The following CTNNA1 variants were observed in gnomAD, a reference collection of about 807,000 sequenced individuals.
CTNNA1 encodes the protein catenin alpha-1.
In CTNNA1, 37 loss-of-function variants were observed where a neutral mutation model predicts 98.4. The ratio of observed to expected loss-of-function variants is 0.38; its 90% CI spans 0.29 to 0.49. The LOEUF is 0.49. Among genes scored for constraint, CTNNA1 ranks in the 20% least tolerant of loss-of-function variants. The probability of loss-of-function intolerance (pLI) is 0.95; values close to 1 mark genes in which losing one functional copy is unlikely to be tolerated. For synonymous variants in CTNNA1, 404 were observed against 413.2 expected (o/e 0.98, Z 0.27); for missense variants, 761 against 1,147.2 (o/e 0.66, Z 4.86).
At chr5:138,801,525 A>G (rs889856979) in intron 3 of CTNNA1, among the ~76,000 whole-genome samples, 5 of 152,252 alleles carry the variant, frequency 3.3e-5, no homozygotes, top group African/African-American at 7.2e-5. Flanking sequence ...ATTCAAACCC[A>G]AACTGTGTTG....
Position 138,756,783 on chromosome 5 carries a change from G to A in CTNNA1, c.-3+3273G>A, listed in dbSNP as rs182943046. The stretch of plus-strand genomic sequence containing the variant: ...GATTTCCTTTTTAAGACTCCTGCTA[G>A]TGCTTGGAGAAGGCTTGTGTTTGTG... On this transcript the variant is annotated intron_variant, in intron 1 of 17. Transcript: ENST00000302763. Among the ~76,000 whole-genome samples the A allele has an allele frequency of 3.6e-4, 55 of 152,280 alleles. No homozygotes were observed. The East Asian group carries it at 7.7e-3, about 21-fold the overall frequency.
At chr5:138,876,006 T>C (rs1478105829) in intron 7 of CTNNA1, among the ~76,000 whole-genome samples, 1 of 152,220 alleles carries the variant, frequency 6.6e-6, no homozygotes, top group African/African-American at 2.4e-5. Context: ...TTTATAACAA[T>C]GTTTTGTCGC....
intron 10 of CTNNA1, among the ~76,000 whole-genome samples, chr5:138,909,575 G>T (rs1760090993): frequency 6.6e-6 from 1 of 152,022 alleles, no homozygotes. Context: ...CTGAGGTCAG[G>T]TGATCCTCCC....
At chr5:138,932,961 A>G (rs1205388247) in intron 17 of CTNNA1, 6 of 769,096 alleles carry the variant, frequency 7.8e-6, no homozygotes, top group African/African-American at 1.7e-5. Flanking sequence ...CTCACTGGGT[A>G]GGAATTTTTA....
At chr5:138,852,790 G>A (rs958385850) in intron 7 of CTNNA1, among the ~76,000 whole-genome samples, 3 of 151,542 alleles carry the variant, frequency 2.0e-5, no homozygotes, top group African/African-American at 7.3e-5. Flanking sequence ...AAGAACCAGT[G>A]TTACCAATCT....
intron 9 of CTNNA1, chr5:138,891,075 G>A (rs914996681): frequency 9.2e-5 from 14 of 152,158 alleles, no homozygotes; most frequent in African/African-American, 2.9e-4. Flanking sequence ...TCCTTTTTAT[G>A]GTTGTTACCC....
intron 3 of CTNNA1, among the ~76,000 whole-genome samples, chr5:138,803,221 G>A (rs1441646517): frequency 1.3e-5 from 2 of 150,566 alleles, no homozygotes; most frequent in African/African-American, 2.5e-5. Flanking sequence ...TGGCATGATC[G>A]TGGCTCACTG....
At chr5:138,856,491 G>A (rs1005362360) in intron 7 of CTNNA1, among the ~76,000 whole-genome samples, 7 of 152,150 alleles carry the variant, frequency 4.6e-5, no homozygotes, top group African/African-American at 1.7e-4. Context: ...ACAGGTGTGT[G>A]TTACCACACT....
At chr5:138,850,159 T>A (rs1051443386) in intron 7 of CTNNA1, among the ~76,000 whole-genome samples, 2 of 152,262 alleles carry the variant, frequency 1.3e-5, no homozygotes, top group Non-Finnish European at 2.9e-5. Flanking sequence ...TTTACTTTGC[T>A]CTTATGGCTA....
intron 1 of CTNNA1, among the ~76,000 whole-genome samples, chr5:138,756,350 A>G (rs1751646827): frequency 6.6e-6 from 1 of 151,994 alleles, no homozygotes; most frequent in South Asian, 2.1e-4. Context: ...AATTTTTAGC[A>G]GAGATGGGGT....
Position 138,776,663 on chromosome 5 carries a change from C to T in CTNNA1, c.-2-5260C>T, listed in dbSNP as rs1234798323. 1.3e-4 allele frequency among the ~76,000 whole-genome samples: 20 copies of T among 150,400 alleles called. 1 individual carries two copies. The East Asian group carries it at 2.2e-3, about 17-fold the overall frequency. ...TCACCTCCCGGACGGGGCGGCTGGC[C>T]GGGCGGGGGGCTGACCCCCCCACCT... On this transcript the variant is annotated intron_variant, in intron 1 of 17. Transcript: ENST00000302763.
intron 7 of CTNNA1, among the ~76,000 whole-genome samples, chr5:138,842,926 T>A (rs1561583798): frequency 6.6e-6 from 1 of 152,214 alleles, no homozygotes; most frequent in African/African-American, 2.4e-5. Flanking sequence ...ACTACTCTTT[T>A]CAACTAGGTT....
intron 16 of CTNNA1, chr5:138,931,574 C>G (rs1355620253): frequency 9.2e-6 from 9 of 983,054 alleles, no homozygotes; most frequent in African/African-American, 1.7e-5. Flanking sequence ...CCCACACAAT[C>G]GGTAATAGGG....
chr5:138,852,871 G>GCACACACGCGCGCGCGCA (rs1763360624), intron 7 of CTNNA1, among the ~76,000 whole-genome samples: 4 of 151,240 alleles, frequency 2.6e-5, no homozygotes, highest in African/African-American at 9.7e-5. Flanking sequence ...GCGCGCGCGC[G>GCACACACGCGCGCGCGCA]CACACACACA....
intron 10 of CTNNA1, among the ~76,000 whole-genome samples, chr5:138,906,914 AC>A (rs1759380268): frequency 6.6e-6 from 1 of 152,218 alleles, no homozygotes; most frequent in South Asian, 2.1e-4. Context: ...AGACATGGTC[AC>A]AGCAAACTGG....
chr5:138,928,720 G>A (rs540570163), intron 13 of CTNNA1, among the ~76,000 whole-genome samples: 2 of 152,304 alleles, frequency 1.3e-5, no homozygotes, highest in South Asian at 4.1e-4. Context: ...GATCACCTGA[G>A]GTCAGGAGTT....
At chr5:138,789,441 C>T (rs1191597368) in intron 3 of CTNNA1, among the ~76,000 whole-genome samples, 1 of 151,998 alleles carries the variant, frequency 6.6e-6, no homozygotes, top group Non-Finnish European at 1.5e-5. Flanking sequence ...TTGAGCACTG[C>T]TGGCAGGAGA....
chr5:138,782,666 G>A (rs192842177), intron 2 of CTNNA1, among the ~76,000 whole-genome samples: 3 of 152,290 alleles, frequency 2.0e-5, no homozygotes, highest in African/African-American at 4.8e-5. Flanking sequence ...GACATAAAGC[G>A]TCATCACTGT....
chr5:138,792,211 TG>T (rs1756457489), intron 3 of CTNNA1, among the ~76,000 whole-genome samples: 1 of 152,230 alleles, frequency 6.6e-6, no homozygotes, highest in African/African-American at 2.4e-5. Context: ...TATGTGTATG[TG>T]TATATATACA....
Sources: gnomAD v4.1 joint callset for allele counts (sites outside exome capture counted in the v4.1 genomes callset) on GRCh38, gnomAD v4.1.1 for gene constraint, MANE v1.5 for transcripts, NCBI Gene and HGNC (gene_info 2026-07-23, HGNC 2026-07-21) for gene names.